Variants in TRABD2A observed in about 807,000 individuals in gnomAD.
The protein encoded by TRABD2A is TraB domain containing 2A, also known as metalloprotease TIKI1.
A neutral mutation model predicts 45.6 loss-of-function variants in TRABD2A; 43 were observed. The ratio of observed to expected loss-of-function variants is 0.94; its 90% CI spans 0.74 to 1.22. The LOEUF is 1.22. TRABD2A is among the 50% of genes most tolerant of loss of function. TRABD2A has a pLI of 0.00. For missense variants in TRABD2A, 642 were observed against 652.4 expected (o/e 0.98, Z 0.17); for synonymous variants, 269 against 265.0 (o/e 1.02, Z -0.15).
intron 1 of TRABD2A, among the ~76,000 whole-genome samples, chr2:84,871,985 G>A (rs1682883615): frequency 6.6e-6 from 1 of 152,168 alleles, no homozygotes; most frequent in South Asian, 2.1e-4. Context: ...CCAAGCAGTT[G>A]CACATGCTGA....
chr2:84,868,524 G>A (rs552224792), intron 2 of TRABD2A, among the ~76,000 whole-genome samples: 90 of 151,800 alleles, frequency 5.9e-4, no homozygotes, highest in African/African-American at 2.1e-3. Context: ...TAGTTAATTA[G>A]TTAACTAGTT....
intron 2 of TRABD2A, among the ~76,000 whole-genome samples, chr2:84,847,159 A>C (rs1681924910): frequency 6.6e-6 from 1 of 152,210 alleles, no homozygotes; most frequent in Admixed American, 6.5e-5. Context: ...CTCCAAGGGA[A>C]ATCTCCATGG....
intron 4 of TRABD2A, chr2:84,832,816 A>AG (rs150715668): frequency 0.012 from 1,784 of 149,648 alleles, 17 homozygotes; most frequent in African/African-American, 0.029. Flanking sequence ...AAAAAAAAGG[A>AG]GGGGGGGGAA....
chr2:84,842,112 G>T, intron 2 of TRABD2A, 105 bp from the exon 3 acceptor site: 1 of 1,228,968 alleles, frequency 8.1e-7, no homozygotes, highest in Non-Finnish European at 1.1e-6. Flanking sequence ...TGCTCGTTAT[G>T]TAAGGACGTG....
At position 84,870,439 on chromosome 2, in the gene TRABD2A, A is replaced by T; in HGVS notation, c.455T>A (p.Leu152His). ...CCAGTTTCCGGCAATAGCATTGAAGAGGTAGTCTGCGTAGAGCCCCTTGCC... is the reference window on the plus strand; with the variant it reads ...CCAGTTTCCGGCAATAGCATTGAAGTGGTAGTCTGCGTAGAGCCCCTTGCC... ...QRGKGLYADY[L>H]FNAIAGNWER... is the part of the protein sequence containing the mutation. Residue 152 changes from leucine (L) to histidine (H), a missense_variant, in exon 2 of 7, where the codon CTC becomes CAC. Transcript: ENST00000409520. 1 of 1,614,028 alleles carries T rather than the reference A, an allele frequency of 6.2e-7. No homozygotes were observed. Among genetic ancestry groups the T allele is most frequent in the Non-Finnish European group, 8.5e-7 (1 of 1,179,892 alleles).
intron 1 of TRABD2A, among the ~76,000 whole-genome samples, chr2:84,877,397 A>G (rs919452955): frequency 3.3e-5 from 5 of 152,296 alleles, no homozygotes; most frequent in Admixed American, 6.5e-5. Context: ...AGAAAAAAAA[A>G]CTGAACCACG....
At chr2:84,846,278 C>T (rs1681893116) in intron 2 of TRABD2A, among the ~76,000 whole-genome samples, 1 of 152,220 alleles carries the variant, frequency 6.6e-6, no homozygotes. Flanking sequence ...TTCCTGTAAT[C>T]ACCACACGCC....
chr2:84,822,818 T>C (rs542951193), intron 6 of TRABD2A, among the ~76,000 whole-genome samples: 1 of 152,318 alleles, frequency 6.6e-6, no homozygotes, highest in African/African-American at 2.4e-5. Context: ...GCATATCACA[T>C]ATCTGCTTCA....
intron 4 of TRABD2A, chr2:84,836,421 C>G (rs1382694362): frequency 6.6e-6 from 1 of 152,092 alleles, no homozygotes; most frequent in Non-Finnish European, 1.5e-5. Flanking sequence ...TGCTGTTAAT[C>G]CTATTGGGGA....
At chr2:84,856,319 C>T (rs921553720) in intron 2 of TRABD2A, among the ~76,000 whole-genome samples, 6 of 152,078 alleles carry the variant, frequency 3.9e-5, no homozygotes, top group African/African-American at 1.4e-4. Context: ...AATACCTCCT[C>T]CCTTACCTGA....
At chr2:84,829,437 CAAAACACACGT>C (rs1300285600) in intron 5 of TRABD2A, among the ~76,000 whole-genome samples, 10 of 148,708 alleles carry the variant, frequency 6.7e-5, no homozygotes, top group Non-Finnish European at 4.5e-5. Context: ...TACACACACA[CAAAACACACGT>C]ACCACACACA....
In TRABD2A at chr2:84,844,557, G is replaced by A. The variant is rs75042511; in HGVS notation, c.670-2550C>T. ...CCTTGCCAGAAAAGCAGATACACCCGGGTGCTTGTCTGCAAACTGATCTAA... is the reference window on the plus strand; with the variant it reads ...CCTTGCCAGAAAAGCAGATACACCCAGGTGCTTGTCTGCAAACTGATCTAA... On this transcript the variant is annotated intron_variant, in intron 2 of 6. Coordinates refer to ENST00000409520, the MANE Select transcript of TRABD2A (RefSeq NM_001277053.2). Among the ~76,000 whole-genome samples the A allele has an allele frequency of 7.3e-3, 1,110 of 152,250 alleles. 20 individuals carry two copies. The highest frequency in any genetic ancestry group is 0.025 in the African/African-American group (1,050 of 41,530).
intron 2 of TRABD2A, among the ~76,000 whole-genome samples, chr2:84,855,852 G>A (rs562731900): frequency 6.6e-6 from 1 of 152,122 alleles, no homozygotes; most frequent in Non-Finnish European, 1.5e-5. Context: ...GGGTGAGGGG[G>A]TTCGAGTCCG....
intron 1 of TRABD2A, chr2:84,879,681 C>T (rs976010819): frequency 5.7e-6 from 5 of 879,018 alleles, no homozygotes; most frequent in African/African-American, 5.4e-5. Flanking sequence ...CCTTGTCTAA[C>T]AAGCATGAAG....
intron 2 of TRABD2A, among the ~76,000 whole-genome samples, chr2:84,862,366 C>T (rs1016227282): frequency 6.6e-6 from 1 of 152,188 alleles, no homozygotes; most frequent in Admixed American, 6.5e-5. Context: ...GGCTGATCCA[C>T]CAAGCAGGTG....
intron 3 of TRABD2A, among the ~76,000 whole-genome samples, chr2:84,841,135 G>A (rs533750224): frequency 2.0e-5 from 3 of 152,318 alleles, no homozygotes; most frequent in African/African-American, 7.2e-5. Context: ...AAGTTTAGCT[G>A]GTGTTTGCTA....
intron 2 of TRABD2A, among the ~76,000 whole-genome samples, chr2:84,845,324 C>T (rs1681849522): frequency 6.6e-6 from 1 of 152,314 alleles, no homozygotes; most frequent in Admixed American, 6.5e-5. Flanking sequence ...TGCACTCCAG[C>T]CTGGGCAACA....
intron 2 of TRABD2A, among the ~76,000 whole-genome samples, chr2:84,866,365 GA>G (rs918848883): frequency 1.3e-5 from 2 of 151,772 alleles, no homozygotes; most frequent in African/African-American, 2.4e-5. Flanking sequence ...CATTAAAAAA[GA>G]AAAAAAATCA....
intron 1 of TRABD2A, among the ~76,000 whole-genome samples, chr2:84,872,303 G>T (rs909095343): frequency 5.9e-5 from 9 of 152,172 alleles, no homozygotes; most frequent in African/African-American, 1.9e-4. Flanking sequence ...GAGCTCAGGA[G>T]TTTGAGACCA....
Sources: allele counts gnomAD v4.1 joint callset (sites outside exome capture counted in the v4.1 genomes callset), GRCh38; gene constraint gnomAD v4.1.1; transcripts MANE v1.5; gene names NCBI Gene and HGNC (gene_info 2026-07-23, HGNC 2026-07-21).